The following SPTB variants were observed in gnomAD, a reference collection of about 807,000 sequenced individuals.
The protein encoded by SPTB is spectrin beta chain, erythrocytic.
In SPTB, 45 loss-of-function variants were observed where a neutral mutation model predicts 256.2. That is an observed-to-expected ratio of 0.18 (90% CI 0.14 to 0.23). The LOEUF (loss-of-function observed/expected upper bound fraction) is 0.23. SPTB is among the 10% of genes least tolerant of loss of function. The pLI is 1.00. For missense variants in SPTB, 2,715 were observed against 3,040.4 expected (o/e 0.89, Z 2.52); for synonymous variants, 1,231 against 1,243.1 (o/e 0.99, Z 0.21).
At position 64,866,278 on chromosome 14, in the gene SPTB, C is replaced by G. The variant is rs1258224151; in HGVS notation, c.-52+13514G>C. On this transcript the variant is annotated intron_variant, in intron 1 of 35. Transcript: ENST00000644917. The surrounding 1 kb of genome is among the most constrained non-coding windows in gnomAD (Gnocchi z 4.6). ...CCTACCCTCACTGTCAGCTCTCCAT[C>G]GAGTTTGCTGACTGTTGTCTGCTTA... is the stretch of plus-strand genomic sequence containing the variant. Among the ~76,000 whole-genome samples, 1 of 152,160 alleles carries G rather than the reference C, an allele frequency of 6.6e-6. No homozygotes were observed. The highest frequency in any genetic ancestry group is 1.5e-5 in the Non-Finnish European group (1 of 68,020).
At chr14:64,876,559 G>A (rs1476205235) in intron 1 of SPTB, among the ~76,000 whole-genome samples, 1 of 152,144 alleles carries the variant, frequency 6.6e-6, no homozygotes, top group Non-Finnish European at 1.5e-5. Context: ...GTTCTCTAAA[G>A]TCCTTCCCCA....
chr14:64,877,897 T>C (rs926342417), intron 1 of SPTB, among the ~76,000 whole-genome samples: 2 of 152,218 alleles, frequency 1.3e-5, no homozygotes, highest in Non-Finnish European at 2.9e-5. Flanking sequence ...CGTTCTGCTA[T>C]AGGACACCTT....
At position 64,765,059 on chromosome 14, in the gene SPTB, T is replaced by TGGTGGATGGG. The variant is rs2082148557; in HGVS notation, c.6345+1657_6345+1666dup. 1.5e-3 allele frequency among the ~76,000 whole-genome samples: 10 copies of TGGTGGATGGG among 6,800 alleles called. No individual in the cohort carries two copies. The South Asian group carries it at 0.035, about 24-fold the overall frequency. 4.5% of individuals were successfully genotyped at this position (6,800 alleles called of 152,430 possible). On this transcript the variant is annotated intron_variant, in intron 32 of 35. Transcript: ENST00000644917. The stretch of plus-strand genomic sequence containing the variant: ...GTGTGTGTGCGCGCGCGCGCGCGGG[T>TGGTGGATGGG]GGTGGATGGGGGTGGGTGGGGAGGG...
intron 4 of SPTB, 150 bp downstream of exon 4, chr14:64,803,457 C>A: frequency 1.0e-6 from 1 of 952,946 alleles, no homozygotes; most frequent in South Asian, 1.4e-5. Context: ...GATGGTTACT[C>A]CTTCCTACAA....
chr14:64,877,598 G>A (rs1387102905), intron 1 of SPTB, among the ~76,000 whole-genome samples: 2 of 152,186 alleles, frequency 1.3e-5, no homozygotes, highest in Non-Finnish European at 2.9e-5. Flanking sequence ...AAAACGCTGA[G>A]CATTCATTTG....
At chr14:64,784,495 G>A in intron 18 of SPTB, 102 bp from the exon 19 acceptor site, 1 of 1,464,670 alleles carries the variant, frequency 6.8e-7, no homozygotes, top group South Asian at 1.1e-5. Flanking sequence ...GCCATGGGGA[G>A]GAAGTGCAAG....
rs906567571 is a variant in SPTB, at chr14:64,749,131, C to T, written c.*175G>A. ...GCGGGCGAGGGCATGGAGGGGGCGTCGGCCCAGGACACGCGGGCGAAGGCA... is the reference window on the plus strand; with the variant it reads ...GCGGGCGAGGGCATGGAGGGGGCGTTGGCCCAGGACACGCGGGCGAAGGCA... On this transcript the variant is annotated 3_prime_UTR_variant, in exon 36 of 36. Coordinates refer to ENST00000644917, the MANE Select transcript of SPTB (RefSeq NM_001355436.2). This position sits in a 1 kb window ranked among gnomAD's most constrained non-coding sequence, Gnocchi z 4.7. 6.0e-6 allele frequency: 4 copies of T among 666,342 alleles called. No homozygotes were observed. The highest frequency in any genetic ancestry group is 2.0e-5 in the South Asian group (1 of 51,250). The allele number at this position is 666,342 out of a possible 1,614,324, so 41.3% of individuals were successfully genotyped here.
rs1486735780 is a variant in SPTB at position 64,793,172 on chromosome 14, G to C, written c.2491C>G (p.Gln831Glu). 1 of 1,613,876 alleles carries C rather than the reference G, an allele frequency of 6.2e-7. No homozygotes were observed. ...AGGTCCGCCTGGGCCACCACCTGTT[G>C]GTAGAGCTCCCGCAGGGCCTGCAGC... The part of the protein sequence containing the change: ...HRLQALRELY[Q>E]QVVAQADLRQ... Residue 831 changes from glutamine to glutamate, a missense_variant, in exon 14 of 36, where the codon CAA (glutamine) becomes GAA (glutamate). Physicochemically the swap from Gln to Glu is conservative, Grantham distance 29. This residue lies in a region of SPTB where 2,239 missense variants were observed against 2,384.4 expected (regional missense o/e 0.94). Transcript: ENST00000644917. This position sits in a 1 kb window ranked among gnomAD's most constrained non-coding sequence, Gnocchi z 7.0.
Position 64,799,806 on chromosome 14 carries a change from C to T in SPTB, c.1005G>A (p.Thr335=), listed in dbSNP as rs753775835. The T allele has an allele frequency of 3.2e-5, 51 of 1,614,104 alleles. No individual in the cohort carries two copies. Among genetic ancestry groups the T allele is most frequent in the Non-Finnish European group, 4.0e-5 (47 of 1,180,046 alleles). ...AGGCCTGCAGCTGCTGCTGGACGCC[C>T]GTCAGCGAGTTGGCAAACTTGCGGC... ...LNSRKFANSL[T]GVQQQLQAFS... Residue 335 remains threonine, a synonymous_variant, in exon 9 of 36, where the codon ACG becomes ACA. Coordinates refer to ENST00000644917, the MANE Select transcript of SPTB (RefSeq NM_001355436.2).
At chr14:64,830,992 T>C (rs1220782644) in intron 1 of SPTB, among the ~76,000 whole-genome samples, 2 of 152,210 alleles carry the variant, frequency 1.3e-5, no homozygotes, top group Admixed American at 6.5e-5. Context: ...ATGTATAACA[T>C]GTTCTCAGAA....
At chr14:64,848,818 GTTGT>G (rs1284608810) in intron 1 of SPTB, among the ~76,000 whole-genome samples, 2 of 152,204 alleles carry the variant, frequency 1.3e-5, no homozygotes, top group African/African-American at 4.8e-5. Context: ...ATAAGGGCTA[GTTGT>G]TTAATAGCCA....
chr14:64,864,080 C>G (rs144782748), intron 1 of SPTB, among the ~76,000 whole-genome samples: 29 of 152,258 alleles, frequency 1.9e-4, no homozygotes, highest in African/African-American at 6.0e-4. Context: ...ATTCAGGACT[C>G]AAATTCCATG....
chr14:64,837,838 ATCACCTCT>A (rs2139743544), intron 1 of SPTB, among the ~76,000 whole-genome samples: 2 of 125,650 alleles, frequency 1.6e-5, no homozygotes, highest in East Asian at 2.4e-4. Context: ...TGACCTCTGG[ATCACCTCT>A]GGTGATCCAC....
intron 1 of SPTB, among the ~76,000 whole-genome samples, chr14:64,865,320 C>T (rs1361702930): frequency 2.0e-5 from 3 of 151,638 alleles, no homozygotes; most frequent in Admixed American, 6.6e-5. Flanking sequence ...AGAGGAGGCA[C>T]ACAGCTTATG....
Position 64,824,541 on chromosome 14 carries a change from A to C in SPTB, c.-51-1396T>G, listed in dbSNP as rs1257040753. On this transcript the variant is annotated intron_variant, in intron 1 of 35. Transcript: ENST00000644917. The surrounding 1 kb of genome is among the most constrained non-coding windows in gnomAD (Gnocchi z 5.7). ...AAGGGACTCCAAGATCAAGTCTGTA[A>C]GAGAATAGGGGACCCAGAGCCTTCA... 3.9e-5 allele frequency among the ~76,000 whole-genome samples: 6 copies of C among 152,128 alleles called. No homozygotes were observed. The highest frequency in any genetic ancestry group is 1.2e-4 in the African/African-American group (5 of 41,428).
At chr14:64,849,329 G>A (rs377505095) in intron 1 of SPTB, among the ~76,000 whole-genome samples, 1 of 152,228 alleles carries the variant, frequency 6.6e-6, no homozygotes, top group Non-Finnish European at 1.5e-5. Context: ...GCCTGAGTGG[G>A]GGACTAGACG....
chr14:64,802,405 T>C lies in SPTB; in HGVS notation c.475-88A>G, dbSNP rs928555270. The stretch of plus-strand genomic sequence containing the variant: ...CGTCCCTGGGAGGCTCCCTCCCTCA[T>C]CCCCCCTTCACTTAACACTAATTCA... On this transcript the variant is annotated intron_variant, in intron 4 of 35. Coordinates refer to ENST00000644917, the MANE Select transcript of SPTB (RefSeq NM_001355436.2). This position sits in a 1 kb window ranked among gnomAD's most constrained non-coding sequence, Gnocchi z 5.1. 1.6e-6 allele frequency: 2 copies of C among 1,240,906 alleles called. No individual in the cohort carries two copies. The highest frequency in any genetic ancestry group is 3.8e-5 in the Admixed American group (2 of 52,208). 76.9% of individuals were successfully genotyped at this position (1,240,906 alleles called of 1,614,324 possible).
At chr14:64,751,045 ATATAT>A (rs1332165826) in intron 33 of SPTB, among the ~76,000 whole-genome samples, 4 of 144,438 alleles carry the variant, frequency 2.8e-5, no homozygotes, top group African/African-American at 2.5e-5. Context: ...TGTAGCAATT[ATATAT>A]TATATAATAT....
At position 64,779,880 on chromosome 14, in the gene SPTB, C is replaced by A. The variant is rs953675033; in HGVS notation, c.4318G>T (p.Ala1440Ser). ...TCCTCTCCCATTGAAGGCACCTGGGCAAACAGCTCCCCCAGCTCCTCTTTT... is the reference window on the plus strand; with the variant it reads ...TCCTCTCCCATTGAAGGCACCTGGGAAAACAGCTCCCCCAGCTCCTCTTTT... ...VRKEELGELF[A>S]QVPSMGEEGG... The change falls in exon 21 of 36, where the codon GCC becomes TCC. Residue 1440 changes from alanine to serine, a missense_variant. Coordinates refer to ENST00000644917, the MANE Select transcript of SPTB (RefSeq NM_001355436.2). The surrounding 1 kb of genome is among the most constrained non-coding windows in gnomAD (Gnocchi z 4.2). The A allele has an allele frequency of 6.2e-7, 1 of 1,613,970 alleles. No homozygotes were observed. The highest frequency in any genetic ancestry group is 1.3e-5 in the African/African-American group (1 of 74,916).
Sources: gnomAD v4.1 joint callset for allele counts (sites outside exome capture counted in the v4.1 genomes callset) on GRCh38, gnomAD v4.1.1 for gene constraint, gnomAD v4.1.1 regional missense constraint, Gnocchi (gnomAD v3.1) non-coding constraint, MANE v1.5 for transcripts, NCBI Gene and HGNC (gene_info 2026-07-23, HGNC 2026-07-21) for gene names.